The following RBM19 variants were observed in gnomAD, a reference collection of about 807,000 sequenced individuals.
The protein encoded by RBM19 is probable RNA-binding protein 19.
RBM19 carries 94 observed loss-of-function variants against 116.8 expected under a neutral mutation model. The ratio of observed to expected loss-of-function variants is 0.80; its 90% CI spans 0.68 to 0.95. RBM19 has a LOEUF of 0.95. Ranked by LOEUF, RBM19 falls within the 40% of genes least tolerant of loss-of-function variation. The pLI is 0.00. For synonymous variants in RBM19, 475 were observed against 494.1 expected, an observed-to-expected ratio of 0.96 and a Z score of 0.51; for missense variants, 1,161 against 1,220.7, an observed-to-expected ratio of 0.95 and a Z score of 0.73.
Position 113,910,488 on chromosome 12 carries a change from G to T in RBM19, c.2558+4481C>A. On this transcript the variant is annotated intron_variant, in intron 21 of 23. Transcript: ENST00000261741. ...AGCAGTGCATTTAACCAAGTGTGAG[G>T]CCAATCCTGTTTGCAGAACCTCCTT... Among the ~76,000 whole-genome samples the T allele has an allele frequency of 1.3e-5, 2 of 152,162 alleles. 1 individual carries two copies. The highest frequency in any genetic ancestry group is 4.1e-4 in the South Asian group (2 of 4,830).
Position 113,959,882 on chromosome 12 carries a change from C to A in RBM19, c.361G>T (p.Ala121Ser). Residue 121 changes from alanine (A) to serine (S), a missense_variant, in exon 4 of 24, where the codon GCA becomes TCA. Ala to Ser is a moderately conservative substitution (Grantham distance 99, BLOSUM62 1). Coordinates refer to ENST00000261741, the MANE Select transcript of RBM19 (RefSeq NM_016196.4). ...IKKDEKKKKV[A>S]GQLEKLKEDT... ...AGACTCACCTTCTCCAGTTGACCTG[C>A]CACCTTTTTCTTCTTCTCATCCTGA... 6.2e-7 allele frequency: 1 copy of A among 1,614,176 alleles called. No individual in the cohort carries two copies. The highest frequency in any genetic ancestry group is 8.5e-7 in the Non-Finnish European group (1 of 1,180,036).
Position 113,915,042 on chromosome 12 carries a change from G to A in RBM19, c.2485C>T (p.Gln829Ter). 1 of 1,614,216 alleles carries A rather than the reference G, an allele frequency of 6.2e-7. No homozygotes were observed. Among genetic ancestry groups the A allele is most frequent in the Non-Finnish European group, 8.5e-7 (1 of 1,180,038 alleles). Residue 829 changes from glutamine (Q) to a stop codon, truncating the protein, a stop_gained, in exon 21 of 24, where the codon CAG (glutamine) becomes TAG (stop). Transcript: ENST00000261741. LOFTEE classifies it high-confidence loss of function. ...LARKKQVPRK[Q>*]TTSKILVRNI... ...CGCACCAGGATCTTGGAGGTGGTCT[G>A]CTTTCTGGGAACTTGTTTCTTCCGA... is the stretch of plus-strand genomic sequence containing the variant.
intron 22 of RBM19, among the ~76,000 whole-genome samples, chr12:113,845,795 G>A (rs567109964): frequency 1.3e-5 from 2 of 152,310 alleles, no homozygotes; most frequent in Non-Finnish European, 2.9e-5. Flanking sequence ...CACTCCCACG[G>A]CACAGAGAGG....
chr12:113,861,950 T>C (rs1003098292), intron 21 of RBM19, among the ~76,000 whole-genome samples: 1 of 152,126 alleles, frequency 6.6e-6, no homozygotes, highest in Admixed American at 6.5e-5. Context: ...CCACAAAGAC[T>C]CTAGAAGCTT....
intron 1 of RBM19, among the ~76,000 whole-genome samples, chr12:113,963,138 C>G (rs1872639218): frequency 6.6e-6 from 1 of 152,200 alleles, no homozygotes; most frequent in Admixed American, 6.5e-5. Context: ...TGCAGCCCTG[C>G]CAAAGCCTTG....
intron 18 of RBM19, 142 bp downstream of exon 18, chr12:113,924,555 C>A (rs1868883003): frequency 2.6e-6 from 2 of 773,302 alleles, no homozygotes; most frequent in Non-Finnish European, 4.5e-6. Context: ...GAGTCTGAGG[C>A]TGACCATGCT....
intron 1 of RBM19, among the ~76,000 whole-genome samples, chr12:113,964,158 CTAAT>C (rs1872699715): frequency 6.6e-6 from 1 of 152,236 alleles, no homozygotes; most frequent in Non-Finnish European, 1.5e-5. Flanking sequence ...GTACTCACTA[CTAAT>C]TATTTCCTCA....
intron 8 of RBM19, among the ~76,000 whole-genome samples, chr12:113,950,536 C>T (rs561188062): frequency 2.2e-4 from 34 of 152,278 alleles, no homozygotes; most frequent in Admixed American, 1.2e-3. Flanking sequence ...GCACCTTCTC[C>T]ACACCCACTC....
chr12:113,950,375 TGAA>T (rs1871368508), intron 8 of RBM19, among the ~76,000 whole-genome samples: 1 of 152,140 alleles, frequency 6.6e-6, no homozygotes, highest in Non-Finnish European at 1.5e-5. Flanking sequence ...GTGTCATGGA[TGAA>T]GATGCTGAAT....
intron 23 of RBM19, among the ~76,000 whole-genome samples, chr12:113,831,767 C>T (rs771501114): frequency 8.5e-5 from 13 of 152,188 alleles, no homozygotes; most frequent in Non-Finnish European, 1.3e-4. Context: ...AGAGAGTGTG[C>T]GGGATATTGC....
intron 10 of RBM19, 83 bp from the exon 11 acceptor site, chr12:113,947,547 C>A: frequency 7.0e-7 from 1 of 1,435,672 alleles, no homozygotes; most frequent in Non-Finnish European, 9.4e-7. Flanking sequence ...CAGCTGTGAG[C>A]CAACCTCACA....
intron 22 of RBM19, among the ~76,000 whole-genome samples, chr12:113,851,355 T>C (rs1877429468): frequency 6.6e-6 from 1 of 152,194 alleles, no homozygotes; most frequent in African/African-American, 2.4e-5. Flanking sequence ...GGGGAGCTGA[T>C]TGTGAGGCAA....
At chr12:113,951,167 G>A (rs1423267203) in intron 8 of RBM19, among the ~76,000 whole-genome samples, 1 of 152,102 alleles carries the variant, frequency 6.6e-6, no homozygotes, top group Non-Finnish European at 1.5e-5. Flanking sequence ...GAGTAGCTGA[G>A]ACACACAATC....
Position 113,962,376 on chromosome 12 carries a change from G to T in RBM19, c.75C>A (p.Phe25Leu). ...EERFRQLFAA[F>L]GTLTDCSLKF... ...TCAGGCTGCAGTCTGTCAGCGTGCC[G>T]AAGGCGGCAAACAGCTGCCTGAAAC... The change falls in exon 2 of 24, where the codon TTC becomes TTA. Residue 25 changes from phenylalanine (F) to leucine (L), a missense_variant. Physicochemically the swap from Phe to Leu is conservative, Grantham distance 22 (BLOSUM62 0). Transcript: ENST00000261741. The T allele has an allele frequency of 6.2e-7, 1 of 1,614,184 alleles. No homozygotes were observed. The highest frequency in any genetic ancestry group is 8.5e-7 in the Non-Finnish European group (1 of 1,180,000).
intron 21 of RBM19, among the ~76,000 whole-genome samples, chr12:113,913,961 TG>T (rs576303501): frequency 2.1e-4 from 32 of 152,038 alleles, no homozygotes; most frequent in Non-Finnish European, 3.8e-4. Flanking sequence ...ATGCCTTGGG[TG>T]GGGGGGCCTT....
chr12:113,955,048 C>T (rs1253813454), intron 7 of RBM19, 83 bp downstream of exon 7: 10 of 1,362,558 alleles, frequency 7.3e-6, no homozygotes, highest in Middle Eastern at 2.4e-4. Flanking sequence ...TCTAATGCCC[C>T]CATGCACCAA....
At chr12:113,856,043 G>C (rs1364734542) in intron 22 of RBM19, among the ~76,000 whole-genome samples, 1 of 152,236 alleles carries the variant, frequency 6.6e-6, no homozygotes, top group Admixed American at 6.5e-5. Context: ...TGCGTTCCAT[G>C]GCACAAGCCC....
At chr12:113,884,282 CAA>C (rs112733518) in intron 21 of RBM19, among the ~76,000 whole-genome samples, 1 of 121,406 alleles carries the variant, frequency 8.2e-6, no homozygotes. Context: ...GACAATATCT[CAA>C]AAAAAAAAAA....
chr12:113,948,996 G>A lies in RBM19; in HGVS notation c.1113C>T (p.Pro371=), dbSNP rs779866142. 1.2e-6 allele frequency: 2 copies of A among 1,614,138 alleles called. No individual in the cohort carries two copies. Among genetic ancestry groups the A allele is most frequent in the South Asian group, 1.1e-5 (1 of 91,084 alleles). The change falls in exon 10 of 24, where the codon CCC becomes CCT. Residue 371 remains proline, a synonymous_variant. Coordinates refer to ENST00000261741, the MANE Select transcript of RBM19 (RefSeq NM_016196.4). The part of the protein sequence containing the change: ...YIEVFREKNV[P]TTKGAPKNTT... Reference sequence around the variant, plus strand: ...TATTCTTTGGTGCACCCTTGGTGGTGGGGACGTTCTTTTCCCTGAACACCT... The same window carrying A: ...TATTCTTTGGTGCACCCTTGGTGGTAGGGACGTTCTTTTCCCTGAACACCT...
Sources: gnomAD v4.1 joint callset for allele counts (sites outside exome capture counted in the v4.1 genomes callset) on GRCh38, gnomAD v4.1.1 for gene constraint, MANE v1.5 for transcripts, NCBI Gene and HGNC (gene_info 2026-07-23, HGNC 2026-07-21) for gene names.